PDLIM1: variants seen among roughly 807,000 people sequenced by gnomAD.
PDLIM1 encodes PDZ and LIM domain protein 1.
PDLIM1 carries 25 observed loss-of-function variants against 35.2 expected under a neutral mutation model. That is an observed-to-expected ratio of 0.71 (90% CI 0.52 to 0.99). The LOEUF is 0.99. Ranked by LOEUF, PDLIM1 falls within the 50% of genes least tolerant of loss-of-function variation. PDLIM1 has a pLI of 0.00. For synonymous variants in PDLIM1, 152 were observed against 154.0 expected (o/e 0.99, Z 0.10); for missense variants, 363 against 415.3 (o/e 0.87, Z 1.09).
In PDLIM1 at chr10:95,268,877, C is replaced by A. The variant is rs200154153; in HGVS notation, c.249-15G>T. The A allele has an allele frequency of 1.9e-5, 29 of 1,551,448 alleles. No homozygotes were observed. The East Asian group carries it at 6.3e-4, about 34-fold the overall frequency. Reference sequence around the variant, plus strand: ...TATGTTCAGATCTGCAACAGATTAACAAAGCTGCTGTTTCACTCATGTAAA... The same window carrying A: ...TATGTTCAGATCTGCAACAGATTAAAAAAGCTGCTGTTTCACTCATGTAAA... On this transcript the variant is annotated splice_polypyrimidine_tract_variant and intron_variant, in intron 2 of 6. Transcript: ENST00000329399.
intron 1 of PDLIM1, among the ~76,000 whole-genome samples, chr10:95,277,885 C>A (rs964608495): frequency 6.6e-6 from 1 of 152,212 alleles, no homozygotes; most frequent in African/African-American, 2.4e-5. Context: ...TGAAGTTTAA[C>A]TGCACTTCTA....
At chr10:95,260,585 C>T (rs2035352488) in intron 4 of PDLIM1, among the ~76,000 whole-genome samples, 1 of 152,216 alleles carries the variant, frequency 6.6e-6, no homozygotes, top group Non-Finnish European at 1.5e-5. Context: ...ACCCCCTCAC[C>T]TGCCTTACCA....
intron 4 of PDLIM1, among the ~76,000 whole-genome samples, chr10:95,260,934 T>C (rs1243467573): frequency 6.6e-6 from 1 of 152,226 alleles, no homozygotes; most frequent in African/African-American, 2.4e-5. Flanking sequence ...GATCCCCCCA[T>C]ACAAGCAGCA....
At chr10:95,247,810 G>A (rs1455047145) in intron 4 of PDLIM1, among the ~76,000 whole-genome samples, 3 of 152,204 alleles carry the variant, frequency 2.0e-5, no homozygotes, top group East Asian at 1.9e-4. Context: ...CATTCCCGAC[G>A]ATCTCACAGT....
At chr10:95,265,829 G>A (rs1009599225) in intron 3 of PDLIM1, among the ~76,000 whole-genome samples, 1 of 152,144 alleles carries the variant, frequency 6.6e-6, no homozygotes, top group African/African-American at 2.4e-5. Context: ...GTAAGCCCAT[G>A]AGATGGAGGA....
At chr10:95,287,371 T>G (rs2035612102) in intron 1 of PDLIM1, among the ~76,000 whole-genome samples, 2 of 152,178 alleles carry the variant, frequency 1.3e-5, no homozygotes, top group Non-Finnish European at 2.9e-5. Context: ...GAAATGACCC[T>G]CTGGCCACAG....
chr10:95,281,172 C>T (rs2035557654), intron 1 of PDLIM1, among the ~76,000 whole-genome samples: 1 of 152,102 alleles, frequency 6.6e-6, no homozygotes, highest in Admixed American at 6.6e-5. Flanking sequence ...TCAGCTCCTC[C>T]AGAAACACCT....
chr10:95,267,333 G>T (rs111410979), intron 3 of PDLIM1, among the ~76,000 whole-genome samples: 4 of 152,114 alleles, frequency 2.6e-5, no homozygotes, highest in Non-Finnish European at 4.4e-5. Context: ...CATTCCTTGT[G>T]TGTTATAAAA....
chr10:95,277,470 T>A (rs1451257307), intron 1 of PDLIM1, among the ~76,000 whole-genome samples: 1 of 151,838 alleles, frequency 6.6e-6, no homozygotes, highest in African/African-American at 2.4e-5. Flanking sequence ...TGAAACCCTA[T>A]CTCTACTAAA....
chr10:95,289,401 T>C (rs2035632077), intron 1 of PDLIM1, among the ~76,000 whole-genome samples: 1 of 152,106 alleles, frequency 6.6e-6, no homozygotes, highest in African/African-American at 2.4e-5. Context: ...AAAGGCAGTG[T>C]GTACCTTTGA....
In PDLIM1 at chr10:95,257,006, G is replaced by GA. The variant is rs376776604; in HGVS notation, c.533+6857dup. Among the ~76,000 whole-genome samples, 391 of 87,694 alleles carry GA rather than the reference G, an allele frequency of 4.5e-3. 6 individuals are homozygous for GA. Among genetic ancestry groups the GA allele is most frequent in the African/African-American group, 0.011 (362 of 32,060 alleles). The allele number at this position is 87,694 out of a possible 152,430, so 57.5% of individuals were successfully genotyped here. A position where few individuals can be genotyped will look rare whatever the true frequency, so the allele number is the denominator to read the frequency against. On this transcript the variant is annotated intron_variant, in intron 4 of 6. Coordinates refer to ENST00000329399, the MANE Select transcript of PDLIM1 (RefSeq NM_020992.4). ...AAAAAAAAAGAAAGAAAGAAAGAAA[G>GA]AAAGAAAGAAAGAAAGAAAGAAAGA...
chr10:95,247,549 G>C, intron 4 of PDLIM1, 183 bp from the exon 5 acceptor site: 1 of 515,760 alleles, frequency 1.9e-6, no homozygotes, highest in Non-Finnish European at 3.4e-6. Context: ...TTTGTAGTCA[G>C]AGCTGGCTGC....
At chr10:95,255,521 A>C (rs2035304725) in intron 4 of PDLIM1, among the ~76,000 whole-genome samples, 1 of 152,194 alleles carries the variant, frequency 6.6e-6, no homozygotes, top group East Asian at 1.9e-4. Context: ...ACATTAACAG[A>C]ATGAAGGACA....
In PDLIM1 at chr10:95,263,947, G is replaced by A. The variant is rs138686423; in HGVS notation, c.450C>T (p.Leu150=). The part of the protein sequence containing the change: ...ITNQYNNPAG[L]YSSENISNFN... ...AGTTGGAGATATTTTCAGAAGAGTA[G>A]AGGCCAGCTGGGTTGTTGTACTGGT... The change falls in exon 4 of 7, where the codon CTC becomes CTT. Residue 150 remains leucine (L), a synonymous_variant. Transcript: ENST00000329399. 22 of 1,613,938 alleles carry A rather than the reference G, an allele frequency of 1.4e-5. No homozygotes were observed. The African/African-American group carries it at 2.5e-4, about 19-fold the overall frequency.
intron 5 of PDLIM1, among the ~76,000 whole-genome samples, chr10:95,239,391 C>G (rs1191102719): frequency 2.6e-5 from 4 of 152,156 alleles, no homozygotes; most frequent in African/African-American, 7.2e-5. Flanking sequence ...GCAAAAGAAA[C>G]TATCATCAAA....
chr10:95,237,838 G>A lies in PDLIM1; in HGVS notation c.*87C>T. 3.4e-6 allele frequency: 4 copies of A among 1,174,776 alleles called. No homozygotes were observed. The highest frequency in any genetic ancestry group is 4.8e-6 in the Non-Finnish European group (4 of 827,122). The allele number at this position is 1,174,776 out of a possible 1,614,324, so 72.8% of individuals were successfully genotyped here. On this transcript the variant is annotated 3_prime_UTR_variant, in exon 7 of 7. Transcript: ENST00000329399. ...CAGAGGGAAAACCAAAGTAAGCAGA[G>A]AACTTTCAAGAGAGGAGAGGGCCAG...
At chr10:95,240,917 T>A (rs2035172474) in intron 5 of PDLIM1, among the ~76,000 whole-genome samples, 1 of 149,200 alleles carries the variant, frequency 6.7e-6, no homozygotes, top group Admixed American at 6.8e-5. Flanking sequence ...AAAAATCACC[T>A]GGAGGCCTTG....
At position 95,273,269 on chromosome 10, in the gene PDLIM1, A is replaced by T. The variant is rs542473455; in HGVS notation, c.97-1485T>A. ...TTGGAGAAGGCCCTTGACTCTCGGGATCCAGTTGAGGAAGATCTTATGAAC... is the reference window on the plus strand; with the variant it reads ...TTGGAGAAGGCCCTTGACTCTCGGGTTCCAGTTGAGGAAGATCTTATGAAC... On this transcript the variant is annotated intron_variant, in intron 1 of 6. Coordinates refer to ENST00000329399, the MANE Select transcript of PDLIM1 (RefSeq NM_020992.4). The T allele has an allele frequency of 2.0e-5, 3 of 152,270 alleles. No homozygotes were observed. In the East Asian group the frequency reaches 5.8e-4, roughly 29 times the overall value. 9.4% of individuals were successfully genotyped at this position (152,270 alleles called of 1,614,324 possible). A position where few individuals can be genotyped will look rare whatever the true frequency, so the allele number is the denominator to read the frequency against.
At chr10:95,288,318 G>A (rs1449691058) in intron 1 of PDLIM1, among the ~76,000 whole-genome samples, 3 of 152,076 alleles carry the variant, frequency 2.0e-5, no homozygotes, top group African/African-American at 7.2e-5. Context: ...TAAATAAAAG[G>A]CACTCCTCTC....
Sources: allele counts gnomAD v4.1 joint callset (sites outside exome capture counted in the v4.1 genomes callset), GRCh38; gene constraint gnomAD v4.1.1; transcripts MANE v1.5; gene names NCBI Gene and HGNC (gene_info 2026-07-23, HGNC 2026-07-21).